Variants in DZIP3 observed in about 807,000 individuals in gnomAD.
DZIP3 encodes the protein E3 ubiquitin-protein ligase DZIP3.
A neutral mutation model predicts 162.0 loss-of-function variants in DZIP3; 118 were observed. The ratio of observed to expected loss-of-function variants is 0.73; its 90% CI spans 0.63 to 0.85. DZIP3 has a LOEUF of 0.85. Among genes scored for constraint, DZIP3 ranks in the 40% least tolerant of loss-of-function variants. The probability of loss-of-function intolerance (pLI) is 0.00; values close to 1 mark genes in which losing one functional copy is unlikely to be tolerated. For missense variants in DZIP3, 1,331 were observed against 1,407.0 expected (o/e 0.95, Z 0.86); for synonymous variants, 438 against 458.6 (o/e 0.96, Z 0.57).
chr3:108,631,055 A>ACACACACACACACACACACCCT, intron 8 of DZIP3, among the ~76,000 whole-genome samples: 1 of 18,006 alleles, frequency 5.6e-5, no homozygotes, highest in Non-Finnish European at 9.0e-5. Flanking sequence ...ACACACACAC[A>ACACACACACACACACACACCCT]CTCTCTCTCT....
Position 108,637,399 on chromosome 3 carries a change from T to G in DZIP3, c.1012-97T>G, listed in dbSNP as rs1576397054. On this transcript the variant is annotated intron_variant, in intron 11 of 32. Coordinates refer to ENST00000361582, the MANE Select transcript of DZIP3 (RefSeq NM_014648.4). ...TGTTTTATATTCACTGTGGCTTCAC[T>G]CTCATTGTATGTTTCAAATGTTAAG... is the stretch of plus-strand genomic sequence containing the variant. The G allele has an allele frequency of 8.3e-6, 9 of 1,083,684 alleles. No homozygotes were observed. In the East Asian group the frequency reaches 2.2e-4, roughly 26 times the overall value. The allele number at this position is 1,083,684 out of a possible 1,614,324, so 67.1% of individuals were successfully genotyped here.
intron 5 of DZIP3, among the ~76,000 whole-genome samples, chr3:108,619,060 CAAAAAAAAA>C (rs57700432): frequency 2.0e-4 from 14 of 70,100 alleles, no homozygotes; most frequent in South Asian, 8.4e-4. Flanking sequence ...GACTCCATCT[CAAAAAAAAA>C]AAAAAAAAAA....
chr3:108,594,257 G>A (rs1368670133), intron 1 of DZIP3, among the ~76,000 whole-genome samples: 1 of 151,742 alleles, frequency 6.6e-6, no homozygotes, highest in African/African-American at 2.4e-5. Context: ...TTTGATTTCA[G>A]AATCACCACT....
rs757343021 is a variant in DZIP3, at chr3:108,686,473, C to T, written c.3038C>T (p.Ala1013Val). The T allele has an allele frequency of 1.9e-5, 31 of 1,606,432 alleles. No individual in the cohort carries two copies. The highest frequency in any genetic ancestry group is 1.0e-4 in the South Asian group (9 of 89,862). The change falls in exon 28 of 33, where the codon GCG (alanine) becomes GTG (valine). Residue 1013 changes from alanine (A) to valine (V), a missense_variant. Coordinates refer to ENST00000361582, the MANE Select transcript of DZIP3 (RefSeq NM_014648.4). ...LMTGIAWALPAPVGDAVPPSA... is the reference protein window; with the variant it reads ...LMTGIAWALPVPVGDAVPPSA... ...ACTGGCATAGCCTGGGCTCTGCCAGCGCCTGTGGGAGACGCTGTGCCTCCC... is the reference window on the plus strand; with the variant it reads ...ACTGGCATAGCCTGGGCTCTGCCAGTGCCTGTGGGAGACGCTGTGCCTCCC...
Position 108,646,650 on chromosome 3 carries a change from G to GTA in DZIP3, c.1792+2_1792+3dup. On this transcript the variant is annotated splice_donor_variant, in intron 15 of 32. Transcript: ENST00000361582. LOFTEE classifies it high-confidence loss of function. ...CTACAGTCAATAACAGGCAGTCAGC[G>GTA]TAAGTATATTTAGAAATAAAATGTG... is the stretch of plus-strand genomic sequence containing the variant. The GTA allele has an allele frequency of 6.4e-7, 1 of 1,552,284 alleles. No individual in the cohort carries two copies.
chr3:108,662,223 C>T lies in DZIP3; in HGVS notation c.2389C>T (p.Gln797Ter). 6.3e-7 allele frequency: 1 copy of T among 1,597,934 alleles called. No homozygotes were observed. The highest frequency in any genetic ancestry group is 8.5e-7 in the Non-Finnish European group (1 of 1,175,970). The change falls in exon 21 of 33, where the codon CAA becomes TAA. Residue 797 changes from glutamine (Q) to a stop codon, truncating the protein, a stop_gained. Transcript: ENST00000361582. LOFTEE classifies it high-confidence loss of function. ...KKDKIIASLN[Q>*]QVAFGINKVS... ...AGACAAAATTATCGCATCTCTTAATCAACAAGTTGCTTTTGGAATCAATAA... is the reference window on the plus strand; with the variant it reads ...AGACAAAATTATCGCATCTCTTAATTAACAAGTTGCTTTTGGAATCAATAA...
rs376799464 is a variant in DZIP3, at chr3:108,674,339, CT to C, written c.2693+159del. The stretch of plus-strand genomic sequence containing the variant: ...TGGGTTTTTTTTCATTTTTTTCCCC[CT>C]GAAATTCCTTTTACCAGAAGCTCTT... On this transcript the variant is annotated intron_variant, in intron 24 of 32. Coordinates refer to ENST00000361582, the MANE Select transcript of DZIP3 (RefSeq NM_014648.4). Among the ~76,000 whole-genome samples the C allele has an allele frequency of 3.0e-4, 46 of 151,832 alleles. No individual in the cohort carries two copies. The South Asian group carries it at 9.3e-3, about 31-fold the overall frequency.
At chr3:108,633,277 A>G (rs974344789) in intron 9 of DZIP3, among the ~76,000 whole-genome samples, 3 of 151,948 alleles carry the variant, frequency 2.0e-5, no homozygotes, top group Non-Finnish European at 2.9e-5. Flanking sequence ...CTGTGAGTCA[A>G]TAAAAGAATA....
intron 32 of DZIP3, among the ~76,000 whole-genome samples, chr3:108,693,106 AT>A (rs1405776989): frequency 8.0e-5 from 12 of 150,632 alleles, no homozygotes; most frequent in East Asian, 1.9e-4. Flanking sequence ...ATGTCAAGAG[AT>A]TTTTTTTTAA....
chr3:108,683,509 G>A (rs988290046), intron 26 of DZIP3, among the ~76,000 whole-genome samples: 1 of 152,100 alleles, frequency 6.6e-6, no homozygotes, highest in Non-Finnish European at 1.5e-5. Flanking sequence ...AGTAGGGCTG[G>A]CATGTACTAC....
At chr3:108,691,769 G>A (rs532231423) in intron 32 of DZIP3, among the ~76,000 whole-genome samples, 6 of 152,252 alleles carry the variant, frequency 3.9e-5, no homozygotes, top group African/African-American at 1.2e-4. Context: ...CCCGTCTCAG[G>A]TGCAGTTTCA....
chr3:108,687,426 T>TC (rs1944537003), intron 28 of DZIP3, among the ~76,000 whole-genome samples: 1 of 152,168 alleles, frequency 6.6e-6, no homozygotes, highest in Admixed American at 6.5e-5. Context: ...ATCTTGGGAA[T>TC]TAAAAAGGAA....
chr3:108,650,976 G>A (rs116329058), intron 17 of DZIP3, among the ~76,000 whole-genome samples, 161 bp from the exon 18 acceptor site: 2,449 of 151,520 alleles, frequency 0.016, 40 homozygotes, highest in Admixed American at 0.031. Context: ...TTATACTTAG[G>A]TATAAAAGTA....
At chr3:108,602,083 T>G (rs1940052057) in intron 1 of DZIP3, among the ~76,000 whole-genome samples, 1 of 152,186 alleles carries the variant, frequency 6.6e-6, no homozygotes, top group Non-Finnish European at 1.5e-5. Flanking sequence ...CCCTTGGTAT[T>G]TTGGTAACAT....
At chr3:108,621,659 G>A (rs1941352360) in intron 5 of DZIP3, among the ~76,000 whole-genome samples, 1 of 152,096 alleles carries the variant, frequency 6.6e-6, no homozygotes, top group African/African-American at 2.4e-5. Flanking sequence ...ACTGTTGGTG[G>A]GAATGTAAAT....
At chr3:108,691,164 A>G (rs1167944265) in intron 32 of DZIP3, 5 of 270,042 alleles carry the variant, frequency 1.9e-5, no homozygotes, top group Admixed American at 1.6e-4. Flanking sequence ...CTGTTAGCAT[A>G]TTTCTTAGGA....
intron 8 of DZIP3, among the ~76,000 whole-genome samples, chr3:108,631,058 C>CACACACACACACA (rs1941856797): frequency 7.6e-6 from 1 of 131,576 alleles, no homozygotes; most frequent in Non-Finnish European, 1.6e-5. Context: ...CACACACACT[C>CACACACACACACA]TCTCTCTCTC....
At chr3:108,671,655 A>T (rs368938914) in intron 22 of DZIP3, among the ~76,000 whole-genome samples, 1 of 152,004 alleles carries the variant, frequency 6.6e-6, no homozygotes, top group African/African-American at 2.4e-5. Flanking sequence ...TGACGGGGAT[A>T]ATAAAAACCT....
intron 12 of DZIP3, among the ~76,000 whole-genome samples, chr3:108,637,858 T>C (rs1942228536): frequency 6.6e-6 from 1 of 152,194 alleles, no homozygotes; most frequent in Admixed American, 6.5e-5. Context: ...CTTTCAAAAC[T>C]TATCCAAACC....
Sources: gnomAD v4.1 joint callset for allele counts (sites outside exome capture counted in the v4.1 genomes callset) on GRCh38, gnomAD v4.1.1 for gene constraint, MANE v1.5 for transcripts, NCBI Gene and HGNC (gene_info 2026-07-23, HGNC 2026-07-21) for gene names.